The following RIT2 variants were observed in gnomAD, a reference collection of about 807,000 sequenced individuals.
The protein encoded by RIT2 is GTP-binding protein Rit2.
RIT2 carries 24 observed loss-of-function variants against 23.7 expected under a neutral mutation model. That is an observed-to-expected ratio of 1.01 (90% CI 0.73 to 1.43). The LOEUF is 1.43. Among genes scored for constraint, RIT2 ranks in the 40% most tolerant of loss-of-function variants. RIT2 has a pLI of 0.00. For synonymous variants in RIT2, 107 were observed against 91.1 expected, an observed-to-expected ratio of 1.17 and a Z score of -0.99; for missense variants, 236 against 266.9, an observed-to-expected ratio of 0.88 and a Z score of 0.81.
At chr18:42,882,818 G>T (rs1300754998) in intron 4 of RIT2, among the ~76,000 whole-genome samples, 4 of 152,156 alleles carry the variant, frequency 2.6e-5, no homozygotes, top group African/African-American at 9.7e-5. Context: ...TGCTCCTACA[G>T]ACTATGGGAA....
At chr18:43,077,626 A>G (rs1913056964) in intron 1 of RIT2, among the ~76,000 whole-genome samples, 1 of 152,186 alleles carries the variant, frequency 6.6e-6, no homozygotes, top group South Asian at 2.1e-4. Flanking sequence ...GGCTATGATG[A>G]TTCATGTAAC....
chr18:42,908,488 A>G (rs548989236), intron 4 of RIT2, among the ~76,000 whole-genome samples: 46 of 152,312 alleles, frequency 3.0e-4, no homozygotes, highest in African/African-American at 1.1e-3. Flanking sequence ...TACACCAATC[A>G]CATTATAATT....
intron 4 of RIT2, among the ~76,000 whole-genome samples, chr18:42,911,976 A>G (rs1171620676): frequency 6.6e-6 from 1 of 151,954 alleles, no homozygotes; most frequent in Non-Finnish European, 1.5e-5. Context: ...AACAGGGATC[A>G]CATGAAATGT....
intron 4 of RIT2, among the ~76,000 whole-genome samples, chr18:42,864,553 C>T (rs73471620): frequency 0.13 from 19,732 of 152,124 alleles, 1,319 homozygotes; most frequent in Middle Eastern, 0.26. Flanking sequence ...GAATTGAAAA[C>T]TCTGTCTTCA....
chr18:43,002,959 G>A (rs905471158), intron 2 of RIT2, among the ~76,000 whole-genome samples: 3 of 151,936 alleles, frequency 2.0e-5, no homozygotes, highest in African/African-American at 7.2e-5. Flanking sequence ...ACTACGGAAG[G>A]AAGGATAGAA....
chr18:42,806,379 G>A (rs1217426951), intron 4 of RIT2, among the ~76,000 whole-genome samples: 5 of 151,910 alleles, frequency 3.3e-5, no homozygotes, highest in East Asian at 1.9e-4. Flanking sequence ...TGAGGCAGGA[G>A]AATCACTTGA....
chr18:43,032,770 A>G (rs914545296), intron 2 of RIT2, among the ~76,000 whole-genome samples: 13 of 152,112 alleles, frequency 8.5e-5, no homozygotes, highest in African/African-American at 3.1e-4. Flanking sequence ...AAAAATAAGT[A>G]TGTTTTATAT....
At chr18:43,034,233 A>T (rs2144284941) in intron 1 of RIT2, among the ~76,000 whole-genome samples, 1 of 152,260 alleles carries the variant, frequency 6.6e-6, no homozygotes, top group East Asian at 1.9e-4. Flanking sequence ...CTTTCACCAA[A>T]GAATCTGTAC....
chr18:43,105,287 G>C (rs1913786242), intron 1 of RIT2, among the ~76,000 whole-genome samples: 1 of 152,052 alleles, frequency 6.6e-6, no homozygotes, highest in South Asian at 2.1e-4. Context: ...AGGATCTAGA[G>C]AGCAAGAACA....
intron 1 of RIT2, among the ~76,000 whole-genome samples, chr18:43,065,254 T>C (rs116176925): frequency 0.014 from 1,971 of 143,058 alleles, 55 homozygotes; most frequent in African/African-American, 0.048. Flanking sequence ...AGAGACATGG[T>C]CTCAATCTGT....
chr18:42,950,534 A>T (rs763097238), intron 3 of RIT2, among the ~76,000 whole-genome samples: 5 of 151,996 alleles, frequency 3.3e-5, no homozygotes, highest in Non-Finnish European at 7.4e-5. Context: ...AAAACAAAAA[A>T]TGACAAGTGG....
chr18:42,848,356 T>C (rs1158572145), intron 4 of RIT2, among the ~76,000 whole-genome samples: 1 of 152,198 alleles, frequency 6.6e-6, no homozygotes, highest in African/African-American at 2.4e-5. Context: ...TTCAAGACTA[T>C]GAAGCCTAAG....
intron 1 of RIT2, among the ~76,000 whole-genome samples, chr18:43,112,823 G>A (rs1913985341): frequency 1.3e-5 from 2 of 152,110 alleles, no homozygotes; most frequent in African/African-American, 2.4e-5. Context: ...CATAAATTTA[G>A]TTTTTAATTC....
intron 1 of RIT2, among the ~76,000 whole-genome samples, chr18:43,100,809 A>C (rs1314166805): frequency 1.3e-5 from 2 of 152,068 alleles, no homozygotes; most frequent in Non-Finnish European, 2.9e-5. Context: ...AACAAGTTTG[A>C]AAAGAAGATC....
chr18:43,105,232 C>A (rs1913784514), intron 1 of RIT2, among the ~76,000 whole-genome samples: 1 of 151,748 alleles, frequency 6.6e-6, no homozygotes, highest in Non-Finnish European at 1.5e-5. Flanking sequence ...ATTACTGTCA[C>A]TGAAATTACC....
chr18:43,082,247 T>C (rs1045163704), intron 1 of RIT2, among the ~76,000 whole-genome samples: 4 of 152,244 alleles, frequency 2.6e-5, no homozygotes, highest in East Asian at 1.9e-4. Flanking sequence ...ATATCCCATT[T>C]ATCATTTTTT....
At chr18:42,748,822 G>A (rs1912979072) in intron 4 of RIT2, among the ~76,000 whole-genome samples, 1 of 151,918 alleles carries the variant, frequency 6.6e-6, no homozygotes, top group African/African-American at 2.4e-5. Flanking sequence ...CTACTCGGGT[G>A]ATGAATGCAC....
chr18:43,060,990 T>A (rs1186270823), intron 1 of RIT2, among the ~76,000 whole-genome samples: 1 of 152,146 alleles, frequency 6.6e-6, no homozygotes, highest in Non-Finnish European at 1.5e-5. Flanking sequence ...AGCAAGTGTT[T>A]TCATGCACTC....
chr18:42,965,205 T>C (rs1335017410), intron 3 of RIT2, among the ~76,000 whole-genome samples: 1 of 152,218 alleles, frequency 6.6e-6, no homozygotes, highest in Non-Finnish European at 1.5e-5. Flanking sequence ...GTTTTGAGGA[T>C]GATAGAATGT....
Sources: allele counts gnomAD v4.1 joint callset (sites outside exome capture counted in the v4.1 genomes callset), GRCh38; gene constraint gnomAD v4.1.1; transcripts MANE v1.5; gene names NCBI Gene and HGNC (gene_info 2026-07-23, HGNC 2026-07-21).